The following ITK variants were observed in gnomAD, a reference collection of about 807,000 sequenced individuals.
The protein encoded by ITK is tyrosine-protein kinase ITK/TSK.
ITK carries 45 observed loss-of-function variants against 87.6 expected under a neutral mutation model. That is an observed-to-expected ratio of 0.51 (90% CI 0.40 to 0.66). The LOEUF is 0.66. Ranked by LOEUF, ITK falls within the 30% of genes least tolerant of loss-of-function variation. The pLI, the probability that ITK is intolerant of heterozygous loss-of-function variation, is 0.00. For synonymous variants in ITK, 303 were observed against 273.6 expected (o/e 1.11, Z -1.06); for missense variants, 605 against 766.3 (o/e 0.79, Z 2.48).
At chr5:157,193,649 T>G in intron 1 of ITK, among the ~76,000 whole-genome samples, 1 of 152,230 alleles carries the variant, frequency 6.6e-6, no homozygotes, top group East Asian at 1.9e-4. Flanking sequence ...ATAGGACGAA[T>G]ATTAAAAGTT....
chr5:157,249,269 C>A (rs1755092551), intron 16 of ITK, among the ~76,000 whole-genome samples: 1 of 152,210 alleles, frequency 6.6e-6, no homozygotes, highest in African/African-American at 2.4e-5. Flanking sequence ...TGGGGTGTGG[C>A]CTATGCCAGC....
chr5:157,253,290 T>C lies in ITK; in HGVS notation c.*612T>C. ...GGCCGGATATTCTGAGAAGCAGCTT[T>C]ATGAGGTTTTACAGAGTATGCTGCT... On this transcript the variant is annotated 3_prime_UTR_variant, in exon 17 of 17. Transcript: ENST00000422843. 4.1e-6 allele frequency: 1 copy of C among 244,402 alleles called. No individual in the cohort carries two copies. Among genetic ancestry groups the C allele is most frequent in the African/African-American group, 2.2e-5 (1 of 45,362 alleles). The allele number at this position is 244,402 out of a possible 1,614,324, so 15.1% of individuals were successfully genotyped here. A position where few individuals can be genotyped will look rare whatever the true frequency, so the allele number is the denominator to read the frequency against.
intron 3 of ITK, 73 bp from the exon 4 acceptor site, chr5:157,214,118 G>A: frequency 2.5e-6 from 3 of 1,194,924 alleles, no homozygotes; most frequent in Non-Finnish European, 3.8e-6. Context: ...CTAATCTCGA[G>A]GTGTTATAAA....
rs1433197496 is a variant in ITK at position 157,227,606 on chromosome 5, G to GA, written c.648-684dup. On this transcript the variant is annotated intron_variant, in intron 6 of 16. Coordinates refer to ENST00000422843, the MANE Select transcript of ITK (RefSeq NM_005546.4). ...ACTATAAAATGATAGTACTAAAGTG[G>GA]AAAAAATGTTGATTATCACACAAAA... 2.0e-5 allele frequency among the ~76,000 whole-genome samples: 3 copies of GA among 152,020 alleles called. No individual in the cohort carries two copies. In the East Asian group the frequency reaches 5.8e-4, roughly 29 times the overall value.
intron 16 of ITK, among the ~76,000 whole-genome samples, chr5:157,252,139 A>G (rs1299159905): frequency 1.3e-5 from 2 of 152,160 alleles, no homozygotes; most frequent in Non-Finnish European, 2.9e-5. Context: ...CTGTCCATTT[A>G]TTTAGATCTT....
At chr5:157,217,618 A>G (rs2113757742) in intron 4 of ITK, among the ~76,000 whole-genome samples, 1 of 152,244 alleles carries the variant, frequency 6.6e-6, no homozygotes, top group East Asian at 1.9e-4. Flanking sequence ...GCCCCCGAAT[A>G]TGGACTTCTG....
chr5:157,251,353 T>C (rs1246459652), intron 16 of ITK, among the ~76,000 whole-genome samples: 1 of 152,252 alleles, frequency 6.6e-6, no homozygotes, highest in Admixed American at 6.5e-5. Context: ...GTTGTTTGTT[T>C]ACTTATTGTT....
Position 157,244,322 on chromosome 5 carries a change from C to T in ITK, c.1293C>T (p.Ile431=). 1 of 1,614,180 alleles carries T rather than the reference C, an allele frequency of 6.2e-7. No homozygotes were observed. Among genetic ancestry groups the T allele is most frequent in the Non-Finnish European group, 8.5e-7 (1 of 1,180,026 alleles). Reference sequence around the variant, plus strand: ...GGGTGTGCCTGGAGCAGGCCCCCATCTGCCTGGTGTTTGAGTTCATGGAGC... The same window carrying T: ...GGGTGTGCCTGGAGCAGGCCCCCATTTGCCTGGTGTTTGAGTTCATGGAGC... ...LYGVCLEQAP[I]CLVFEFMEHG... The change falls in exon 13 of 17, where the codon ATC becomes ATT. Residue 431 remains isoleucine, a synonymous_variant. Coordinates refer to ENST00000422843, the MANE Select transcript of ITK (RefSeq NM_005546.4).
At chr5:157,230,612 A>T (rs935509815) in intron 7 of ITK, among the ~76,000 whole-genome samples, 2 of 152,232 alleles carry the variant, frequency 1.3e-5, no homozygotes, top group African/African-American at 4.8e-5. Context: ...TAAAACATAT[A>T]GGGTATATGC....
At chr5:157,195,850 A>G (rs1016227797) in intron 1 of ITK, 1 of 152,206 alleles carries the variant, frequency 6.6e-6, no homozygotes, top group African/African-American at 2.4e-5. Flanking sequence ...TGCATGAAAA[A>G]TTTCTTTTAA....
chr5:157,243,952 G>A (rs1754967248), intron 12 of ITK, 158 bp downstream of exon 12: 3 of 751,710 alleles, frequency 4.0e-6, no homozygotes, highest in South Asian at 1.5e-5. Context: ...TCTTCACAGT[G>A]GTCTCCAAGG....
intron 9 of ITK, among the ~76,000 whole-genome samples, chr5:157,239,619 T>C (rs1754847525): frequency 6.6e-6 from 1 of 152,082 alleles, no homozygotes; most frequent in South Asian, 2.1e-4. Context: ...GGGTTAACCA[T>C]GCAAGCAGGT....
chr5:157,182,686 T>G (rs1753560595), intron 1 of ITK, among the ~76,000 whole-genome samples: 2 of 152,222 alleles, frequency 1.3e-5, no homozygotes, highest in African/African-American at 4.8e-5. Context: ...AAGTTTTTGT[T>G]TCATATTGAA....
chr5:157,200,423 T>C (rs973577057), intron 1 of ITK, among the ~76,000 whole-genome samples: 2 of 152,184 alleles, frequency 1.3e-5, no homozygotes, highest in Non-Finnish European at 2.9e-5. Context: ...CTTGGAAAGT[T>C]TTACCCTGGC....
At chr5:157,191,838 A>G (rs1753759081) in intron 1 of ITK, among the ~76,000 whole-genome samples, 1 of 152,234 alleles carries the variant, frequency 6.6e-6, no homozygotes. Flanking sequence ...AAAAAGCAGT[A>G]TACATAATAT....
At chr5:157,228,942 G>A (rs71591326) in intron 7 of ITK, among the ~76,000 whole-genome samples, 2,497 of 152,222 alleles carry the variant, frequency 0.016, 27 homozygotes, top group Non-Finnish European at 0.027. Flanking sequence ...AGATGTGGGC[G>A]TGTCAGATGA....
chr5:157,252,811 T>C lies in ITK; in HGVS notation c.*133T>C, dbSNP rs1187778611. 1.4e-6 allele frequency: 1 copy of C among 735,506 alleles called. No individual in the cohort carries two copies. Among genetic ancestry groups the C allele is most frequent in the Admixed American group, 1.9e-5 (1 of 51,528 alleles). The allele number at this position is 735,506 out of a possible 1,614,324, so 45.6% of individuals were successfully genotyped here. On this transcript the variant is annotated 3_prime_UTR_variant, in exon 17 of 17. Coordinates refer to ENST00000422843, the MANE Select transcript of ITK (RefSeq NM_005546.4). The stretch of plus-strand genomic sequence containing the variant: ...CAGCCTGGCCTGTGGCATCAGTCCC[T>C]GAGTCACCATGGAAGCAGCATCCTG...
rs1211076783 is a variant in ITK at position 157,242,516 on chromosome 5, C to T, written c.1060+796C>T. ...TTCTGGCATGATCTCCCTCTGTCAC[C>T]CAGGCTGGAGATGCAGTGGCGTAAT... On this transcript the variant is annotated intron_variant, in intron 11 of 16. Transcript: ENST00000422843. Among the ~76,000 whole-genome samples the T allele has an allele frequency of 5.3e-5, 8 of 152,126 alleles. No homozygotes were observed. In the South Asian group the frequency reaches 8.3e-4, roughly 16 times the overall value.
intron 12 of ITK, 75 bp from the exon 13 acceptor site, chr5:157,244,187 T>G: frequency 8.7e-7 from 1 of 1,149,562 alleles, no homozygotes; most frequent in Non-Finnish European, 1.3e-6. Context: ...CATTGGCTAT[T>G]TTGGTACCAT....
Sources: allele counts gnomAD v4.1 joint callset (sites outside exome capture counted in the v4.1 genomes callset), GRCh38; gene constraint gnomAD v4.1.1; transcripts MANE v1.5; gene names NCBI Gene and HGNC (gene_info 2026-07-23, HGNC 2026-07-21).